The following FKBP3 variants were observed in gnomAD, a reference collection of about 807,000 sequenced individuals.
The protein encoded by FKBP3 is peptidyl-prolyl cis-trans isomerase FKBP3.
A neutral mutation model predicts 30.6 loss-of-function variants in FKBP3; 21 were observed. That is an observed-to-expected ratio of 0.69 (90% CI 0.49 to 0.99). FKBP3 has a LOEUF of 0.99. FKBP3 is among the 50% of genes least tolerant of loss of function. The probability of loss-of-function intolerance (pLI) is 0.00; values close to 1 mark genes in which losing one functional copy is unlikely to be tolerated. For missense variants in FKBP3, 283 were observed against 261.6 expected (o/e 1.08, Z -0.56); for synonymous variants, 82 against 91.3 (o/e 0.90, Z 0.58).
intron 4 of FKBP3, 21 bp downstream of exon 4, chr14:45,121,464 T>G (rs779424343): frequency 6.2e-7 from 1 of 1,602,824 alleles, no homozygotes; most frequent in South Asian, 1.1e-5. Context: ...GCCAAAAACA[T>G]AAGATTCCAT....
At chr14:45,116,931 C>T (rs1488457685) in intron 6 of FKBP3, among the ~76,000 whole-genome samples, 1 of 152,024 alleles carries the variant, frequency 6.6e-6, no homozygotes, top group African/African-American at 2.4e-5. Flanking sequence ...TCTTGAGATG[C>T]TTCTTCACAT....
In FKBP3 at chr14:45,130,566, T is replaced by C. The variant is rs1198733880; in HGVS notation, c.210+133A>G. The stretch of plus-strand genomic sequence containing the variant: ...TGCTAGATTTGACAGCTAGTCCACT[T>C]ATGATAACAGTTCAGAAAAATTACA... On this transcript the variant is annotated intron_variant, in intron 2 of 6. Transcript: ENST00000396062. The C allele has an allele frequency of 5.6e-6, 3 of 532,544 alleles. No homozygotes were observed. The African/African-American group carries it at 5.9e-5, about 10-fold the overall frequency. The allele number at this position is 532,544 out of a possible 1,614,324, so 33.0% of individuals were successfully genotyped here. A position where few individuals can be genotyped will look rare whatever the true frequency, so the allele number is the denominator to read the frequency against.
At chr14:45,130,843 G>A in intron 1 of FKBP3, 43 bp from the exon 2 acceptor site, 1 of 1,141,742 alleles carries the variant, frequency 8.8e-7, no homozygotes, top group Non-Finnish European at 1.3e-6. Flanking sequence ...CTTCTCCCGA[G>A]TAAGAAGTGT....
intron 3 of FKBP3, among the ~76,000 whole-genome samples, chr14:45,124,557 T>A (rs10149567): frequency 0.2 from 28,740 of 146,506 alleles, 3,215 homozygotes; most frequent in African/African-American, 0.3. Flanking sequence ...ATATATATAT[T>A]TTTTTTTCTT....
At chr14:45,134,303 G>A in intron 1 of FKBP3, 46 bp downstream of exon 1, 2 of 1,427,606 alleles carry the variant, frequency 1.4e-6, no homozygotes, top group South Asian at 1.2e-5. Flanking sequence ...GGGGGGTGAG[G>A]CGTCCCTCAG....
intron 1 of FKBP3, among the ~76,000 whole-genome samples, chr14:45,133,742 CTGTTTA>C (rs1427963056): frequency 6.6e-6 from 1 of 152,154 alleles, no homozygotes; most frequent in African/African-American, 2.4e-5. Context: ...ATTTCTTAGT[CTGTTTA>C]TAACAATGAC....
chr14:45,133,806 A>C (rs1445225958), intron 1 of FKBP3, among the ~76,000 whole-genome samples: 2 of 152,236 alleles, frequency 1.3e-5, no homozygotes, highest in Non-Finnish European at 2.9e-5. Context: ...TAAAGTATAA[A>C]GGTGAAAAGG....
chr14:45,120,308 C>T (rs147268729), intron 5 of FKBP3, among the ~76,000 whole-genome samples: 2 of 152,326 alleles, frequency 1.3e-5, no homozygotes, highest in African/African-American at 4.8e-5. Context: ...TCAAGCCTAA[C>T]TTCCTCTTTT....
intron 1 of FKBP3, among the ~76,000 whole-genome samples, chr14:45,132,597 C>A (rs1416993157): frequency 2.0e-5 from 3 of 151,748 alleles, no homozygotes; most frequent in African/African-American, 7.3e-5. Flanking sequence ...AATGAGGTTT[C>A]GCTACGTTGG....
chr14:45,126,345 G>A (rs202015780), intron 3 of FKBP3, among the ~76,000 whole-genome samples: 2 of 151,844 alleles, frequency 1.3e-5, no homozygotes, highest in East Asian at 4.0e-4. Context: ...AAAATTAACC[G>A]GGCGTTGTGG....
At position 45,115,879 on chromosome 14, in the gene FKBP3, A is replaced by C; in HGVS notation, c.*319T>G. 2 of 243,552 alleles carry C rather than the reference A, an allele frequency of 8.2e-6. No homozygotes were observed. The highest frequency in any genetic ancestry group is 8.3e-6 in the Non-Finnish European group (1 of 120,756). The allele number at this position is 243,552 out of a possible 1,614,324, so 15.1% of individuals were successfully genotyped here. On this transcript the variant is annotated 3_prime_UTR_variant, in exon 7 of 7. Transcript: ENST00000396062. ...CCCTAATCAGAACAATAATATATTA[A>C]CACCAAACAAATCACAGTCAGATCA... is the stretch of plus-strand genomic sequence containing the variant.
chr14:45,126,621 A>G (rs557799891), intron 3 of FKBP3, among the ~76,000 whole-genome samples: 5 of 152,308 alleles, frequency 3.3e-5, no homozygotes, highest in African/African-American at 1.2e-4. Flanking sequence ...GGTGACCAAT[A>G]AAAATGGGAG....
Position 45,129,851 on chromosome 14 carries a change from A to G in FKBP3, c.261T>C (p.Asn87=). 1.9e-6 allele frequency: 3 copies of G among 1,613,124 alleles called. No individual in the cohort carries two copies. Among genetic ancestry groups the G allele is most frequent in the East Asian group, 4.5e-5 (2 of 44,758 alleles). ...SISKVSEQVK[N]VKLNEDKPKE... Reference sequence around the variant, plus strand: ...TGGGTTTATCTTCATTAAGCTTCACATTTTTTACTTGCTCAGACACTTTAC... The same window carrying G: ...TGGGTTTATCTTCATTAAGCTTCACGTTTTTTACTTGCTCAGACACTTTAC... Residue 87 remains asparagine (N), a synonymous_variant, in exon 3 of 7, where the codon AAT becomes AAC. Coordinates refer to ENST00000396062, the MANE Select transcript of FKBP3 (RefSeq NM_002013.4).
intron 6 of FKBP3, 114 bp downstream of exon 6, chr14:45,117,914 C>A (rs1884888701): frequency 1.4e-6 from 1 of 736,878 alleles, no homozygotes; most frequent in Admixed American, 2.5e-5. Context: ...GAAGACTAGT[C>A]TGGACAGGAT....
intron 3 of FKBP3, among the ~76,000 whole-genome samples, chr14:45,127,546 C>G (rs2139085146): frequency 6.6e-6 from 1 of 152,238 alleles, no homozygotes; most frequent in South Asian, 2.1e-4. Context: ...AGATATTTTA[C>G]ATTCTTTTTT....
intron 5 of FKBP3, among the ~76,000 whole-genome samples, chr14:45,118,699 A>T (rs1884913263): frequency 6.6e-6 from 1 of 152,146 alleles, no homozygotes; most frequent in African/African-American, 2.4e-5. Context: ...TATGAAAACC[A>T]GTTAGTTATT....
intron 5 of FKBP3, among the ~76,000 whole-genome samples, chr14:45,119,803 T>C (rs879875362): frequency 1.3e-5 from 2 of 151,122 alleles, no homozygotes; most frequent in African/African-American, 2.4e-5. Flanking sequence ...TTCTCCTGCC[T>C]CAGCCTCCCA....
At chr14:45,125,703 G>C (rs1285746459) in intron 3 of FKBP3, among the ~76,000 whole-genome samples, 1 of 152,124 alleles carries the variant, frequency 6.6e-6, no homozygotes, top group Non-Finnish European at 1.5e-5. Flanking sequence ...AATGTATGCA[G>C]TTGTGTATGT....
chr14:45,118,016 A>G lies in FKBP3; in HGVS notation c.620+12T>C. On this transcript the variant is annotated intron_variant, in intron 6 of 6. Coordinates refer to ENST00000396062, the MANE Select transcript of FKBP3 (RefSeq NM_002013.4). ...TTTTTCAACTTTAATTATGAAGGGG[A>G]AAAAAGGATACTTGGCATCAGGCTG... 2 of 1,439,052 alleles carry G rather than the reference A, an allele frequency of 1.4e-6. No homozygotes were observed. The highest frequency in any genetic ancestry group is 1.2e-5 in the South Asian group (1 of 82,160). 89.1% of individuals were successfully genotyped at this position (1,439,052 alleles called of 1,614,324 possible). A position where few individuals can be genotyped will look rare whatever the true frequency, so the allele number is the denominator to read the frequency against.
Sources: gnomAD v4.1 joint callset for allele counts (sites outside exome capture counted in the v4.1 genomes callset) on GRCh38, gnomAD v4.1.1 for gene constraint, MANE v1.5 for transcripts, NCBI Gene and HGNC (gene_info 2026-07-23, HGNC 2026-07-21) for gene names.